LINGO2: variants seen among roughly 807,000 people sequenced by gnomAD.
LINGO2 encodes the protein leucine-rich repeat and immunoglobulin-like domain-containing nogo receptor-interacting protein 2.
Under a neutral mutation model 30.6 loss-of-function variants are expected in LINGO2, and 14 were observed. That is an observed-to-expected ratio of 0.46 (90% confidence interval 0.30 to 0.72). The LOEUF is 0.72. Among genes scored for constraint, LINGO2 ranks in the 30% least tolerant of loss-of-function variants. The probability of loss-of-function intolerance (pLI) is 0.07; values close to 1 mark genes in which losing one functional copy is unlikely to be tolerated. For synonymous variants in LINGO2, 317 were observed against 288.5 expected, an observed-to-expected ratio of 1.10 and a Z score of -1.00; for missense variants, 729 against 751.7, an observed-to-expected ratio of 0.97 and a Z score of 0.35.
At chr9:28,474,953 C>A (rs1167177899) in intron 2 of LINGO2, among the ~76,000 whole-genome samples, 1 of 151,126 alleles carries the variant, frequency 6.6e-6, no homozygotes, top group Admixed American at 6.6e-5. Context: ...TTTCTGTCTT[C>A]TTTTTATCAT....
the LINGO2 span, among the ~76,000 whole-genome samples, chr9:28,685,766 AT>A: frequency 6.6e-6 from 1 of 152,156 alleles, no homozygotes; most frequent in South Asian, 2.1e-4. Context: ...TATGGAAAAA[AT>A]TCATCCACAT....
chr9:29,114,579 T>C, the LINGO2 span, among the ~76,000 whole-genome samples: 2 of 116,968 alleles, frequency 1.7e-5, no homozygotes, highest in Non-Finnish European at 3.3e-5. Context: ...CAGGCCCTGG[T>C]GTGTGATGTT....
intron 3 of LINGO2, among the ~76,000 whole-genome samples, chr9:28,355,207 A>G (rs989702431): frequency 1.3e-5 from 2 of 151,580 alleles, no homozygotes; most frequent in African/African-American, 2.4e-5. Context: ...GTTGTATTAT[A>G]AATCTCAAAA....
chr9:28,602,953 C>A (rs1000699384), intron 1 of LINGO2, among the ~76,000 whole-genome samples: 2 of 151,990 alleles, frequency 1.3e-5, no homozygotes, highest in Non-Finnish European at 1.5e-5. Context: ...TAAAGACTGG[C>A]ACATAGAGTA....
At chr9:28,688,895 G>A in the LINGO2 span, among the ~76,000 whole-genome samples, 1 of 151,992 alleles carries the variant, frequency 6.6e-6, no homozygotes, top group Non-Finnish European at 1.5e-5. Flanking sequence ...TTTCCCCTTA[G>A]CTAATTTTGA....
At chr9:27,954,835 C>T (rs936270681) in intron 5 of LINGO2, among the ~76,000 whole-genome samples, 10 of 152,114 alleles carry the variant, frequency 6.6e-5, no homozygotes, top group African/African-American at 2.4e-4. Flanking sequence ...TACTGTTTAC[C>T]ATAGTGGCTG....
chr9:29,205,275 G>C, the LINGO2 span, among the ~76,000 whole-genome samples: 1 of 151,990 alleles, frequency 6.6e-6, no homozygotes, highest in Non-Finnish European at 1.5e-5. Flanking sequence ...TCTTGACCTC[G>C]GTATCCACCC....
At chr9:28,709,565 G>A in the LINGO2 span, among the ~76,000 whole-genome samples, 1 of 151,894 alleles carries the variant, frequency 6.6e-6, no homozygotes, top group African/African-American at 2.4e-5. Context: ...ATAACACATT[G>A]AGTAATTATG....
chr9:28,487,671 A>T (rs1826224917), intron 1 of LINGO2, among the ~76,000 whole-genome samples: 1 of 152,286 alleles, frequency 6.6e-6, no homozygotes, highest in South Asian at 2.1e-4. Context: ...CATAAACAGC[A>T]GCATAAATCT....
the LINGO2 span, among the ~76,000 whole-genome samples, chr9:29,209,552 A>G: frequency 9.8e-5 from 15 of 152,302 alleles, no homozygotes; most frequent in East Asian, 2.9e-3. Context: ...GAAGCATAAC[A>G]GAAAAATCAC....
chr9:29,154,406 C>T, the LINGO2 span, among the ~76,000 whole-genome samples: 2 of 148,410 alleles, frequency 1.3e-5, no homozygotes, highest in Non-Finnish European at 3.0e-5. Flanking sequence ...GCGGAGATCG[C>T]GCCACTGCAT....
At chr9:28,712,066 T>C in the LINGO2 span, among the ~76,000 whole-genome samples, 411 of 152,142 alleles carry the variant, frequency 2.7e-3, 7 homozygotes, top group East Asian at 0.048. Flanking sequence ...ATAAAAAAGA[T>C]TTAAGAAATA....
At chr9:29,013,777 T>C in the LINGO2 span, among the ~76,000 whole-genome samples, 1 of 152,162 alleles carries the variant, frequency 6.6e-6, no homozygotes, top group East Asian at 1.9e-4. Context: ...AACAGAGATT[T>C]CAACATCTTA....
chr9:28,714,188 T>TATATATATATATATATATAC, the LINGO2 span, among the ~76,000 whole-genome samples: 11 of 73,376 alleles, frequency 1.5e-4, no homozygotes, highest in African/African-American at 6.1e-4. Flanking sequence ...TATATATATA[T>TATATATATATATATATATAC]ACACACATAC....
At chr9:28,510,163 T>C (rs1290456041) in intron 1 of LINGO2, among the ~76,000 whole-genome samples, 1 of 152,136 alleles carries the variant, frequency 6.6e-6, no homozygotes, top group Non-Finnish European at 1.5e-5. Context: ...TAAACAATTC[T>C]CTAAACATGG....
chr9:28,139,595 T>C (rs1827617611), intron 4 of LINGO2, among the ~76,000 whole-genome samples: 1 of 152,102 alleles, frequency 6.6e-6, no homozygotes, highest in South Asian at 2.1e-4. Context: ...GATTCTTCAG[T>C]TGGTCCTTTT....
At chr9:28,389,371 A>G (rs1821732326) in intron 2 of LINGO2, among the ~76,000 whole-genome samples, 1 of 152,208 alleles carries the variant, frequency 6.6e-6, no homozygotes. Context: ...ACAATTTCAG[A>G]GATTTCTAAC....
At chr9:28,498,969 C>CT (rs996748780) in intron 1 of LINGO2, among the ~76,000 whole-genome samples, 37 of 151,150 alleles carry the variant, frequency 2.4e-4, no homozygotes, top group African/African-American at 7.1e-4. Context: ...TACTCAAATA[C>CT]TTTTTTTTTG....
At chr9:28,061,691 C>A (rs966002303) in intron 4 of LINGO2, among the ~76,000 whole-genome samples, 28 of 152,032 alleles carry the variant, frequency 1.8e-4, no homozygotes, top group Admixed American at 1.4e-3. Context: ...ACCTAGAGAT[C>A]CTTCTGAATA....
Sources: gnomAD v4.1 joint callset for allele counts (sites outside exome capture counted in the v4.1 genomes callset) on GRCh38, gnomAD v4.1.1 for gene constraint, MANE v1.5 for transcripts, NCBI Gene and HGNC (gene_info 2026-07-23, HGNC 2026-07-21) for gene names.